Variants in CSMD1 observed in about 807,000 individuals in gnomAD.
CSMD1 encodes the protein CUB and sushi domain-containing protein 1.
In CSMD1, 213 loss-of-function variants were observed where a neutral mutation model predicts 417.5. The ratio of observed to expected loss-of-function variants is 0.51; its 90% CI spans 0.46 to 0.57. The LOEUF (loss-of-function observed/expected upper bound fraction) is 0.57, where lower values mean the gene tolerates loss of function less well. CSMD1 is among the 20% of genes least tolerant of loss of function. CSMD1 has a pLI of 0.00. For synonymous variants in CSMD1, 2,862 were observed against 1,736.8 expected (o/e 1.65, Z -16.11); for missense variants, 6,923 against 4,529.7 (o/e 1.53, Z -15.17).
chr8:3,472,742 T>A (rs1402656415), intron 11 of CSMD1, among the ~76,000 whole-genome samples: 1 of 152,142 alleles, frequency 6.6e-6, no homozygotes, highest in Non-Finnish European at 1.5e-5. Context: ...ATTTCTTCTG[T>A]TCTCAGCAGA....
chr8:4,820,394 C>T (rs1364568317), intron 1 of CSMD1, among the ~76,000 whole-genome samples: 1 of 152,110 alleles, frequency 6.6e-6, no homozygotes, highest in Non-Finnish European at 1.5e-5. Flanking sequence ...TTTAATAGAG[C>T]TTGCTTGGCA....
At chr8:3,926,034 C>A (rs866650920) in intron 5 of CSMD1, among the ~76,000 whole-genome samples, 1 of 129,160 alleles carries the variant, frequency 7.7e-6, no homozygotes, top group African/African-American at 3.6e-5. Context: ...CACACACACA[C>A]ACACACACAA....
At chr8:4,713,585 G>C (rs1310133703) in intron 1 of CSMD1, among the ~76,000 whole-genome samples, 1 of 152,014 alleles carries the variant, frequency 6.6e-6, no homozygotes, top group Non-Finnish European at 1.5e-5. Flanking sequence ...ATTTTTAGTA[G>C]AGACGGGGTT....
At chr8:3,535,357 G>A (rs959087566) in intron 10 of CSMD1, among the ~76,000 whole-genome samples, 1 of 152,152 alleles carries the variant, frequency 6.6e-6, no homozygotes, top group Non-Finnish European at 1.5e-5. Context: ...GGAAGAACCT[G>A]AGTCCAGAGG....
At chr8:3,793,809 G>C (rs549480277) in intron 5 of CSMD1, among the ~76,000 whole-genome samples, 2 of 152,046 alleles carry the variant, frequency 1.3e-5, no homozygotes, top group African/African-American at 4.8e-5. Flanking sequence ...TTATGCCCCA[G>C]GGCACTAAAT....
At chr8:4,853,584 C>G (rs138893247) in intron 1 of CSMD1, among the ~76,000 whole-genome samples, 2 of 152,206 alleles carry the variant, frequency 1.3e-5, no homozygotes, top group African/African-American at 4.8e-5. Flanking sequence ...GAGTCCCACA[C>G]AGATATTTGA....
intron 3 of CSMD1, among the ~76,000 whole-genome samples, chr8:4,245,549 A>G (rs1802654134): frequency 6.6e-6 from 1 of 152,220 alleles, no homozygotes; most frequent in South Asian, 2.1e-4. Context: ...GATGCTAAAC[A>G]TGAGGTGTGT....
At chr8:4,161,361 T>C (rs901361125) in intron 3 of CSMD1, among the ~76,000 whole-genome samples, 10 of 152,208 alleles carry the variant, frequency 6.6e-5, no homozygotes, top group Admixed American at 6.5e-4. Flanking sequence ...ACTGTAAAAA[T>C]GCAGGCTTTC....
At chr8:4,716,149 C>G (rs966830679) in intron 1 of CSMD1, among the ~76,000 whole-genome samples, 4 of 152,162 alleles carry the variant, frequency 2.6e-5, no homozygotes, top group African/African-American at 9.7e-5. Context: ...GTGAGCCAGG[C>G]TGACTTCACA....
intron 3 of CSMD1, among the ~76,000 whole-genome samples, chr8:4,330,902 T>G (rs940924421): frequency 6.6e-6 from 1 of 152,136 alleles, no homozygotes; most frequent in African/African-American, 2.4e-5. Context: ...CTTCATTATG[T>G]ATGCCCAGCA....
intron 3 of CSMD1, among the ~76,000 whole-genome samples, chr8:4,117,556 C>G (rs983189570): frequency 1.4e-4 from 21 of 152,176 alleles, no homozygotes; most frequent in African/African-American, 2.4e-5. Context: ...ATTGTGACAG[C>G]TAATAGCAGC....
intron 10 of CSMD1, among the ~76,000 whole-genome samples, chr8:3,524,127 A>G (rs1183305433): frequency 6.9e-6 from 1 of 144,566 alleles, no homozygotes; most frequent in East Asian, 2.2e-4. Context: ...ATGTGCACAT[A>G]CATACACACA....
At chr8:3,973,557 C>G (rs777536370) in intron 5 of CSMD1, among the ~76,000 whole-genome samples, 1 of 152,110 alleles carries the variant, frequency 6.6e-6, no homozygotes, top group East Asian at 1.9e-4. Flanking sequence ...AAAATTCTTT[C>G]TTGTCATTCT....
chr8:3,491,291 G>C (rs528691902), intron 11 of CSMD1, among the ~76,000 whole-genome samples: 1 of 152,140 alleles, frequency 6.6e-6, no homozygotes, highest in Non-Finnish European at 1.5e-5. Context: ...TTTGTGAACT[G>C]GGGTAAATCC....
intron 26 of CSMD1, among the ~76,000 whole-genome samples, chr8:3,273,413 C>G (rs1438351069): frequency 2.0e-5 from 3 of 152,076 alleles, no homozygotes; most frequent in East Asian, 1.9e-4. Context: ...TGTGTCTCTG[C>G]CAGGCTTTGG....
At chr8:3,861,864 C>A (rs1171841186) in intron 5 of CSMD1, among the ~76,000 whole-genome samples, 1 of 152,132 alleles carries the variant, frequency 6.6e-6, no homozygotes, top group Admixed American at 6.5e-5. Flanking sequence ...CTAATGGAGC[C>A]TAAGAAAACC....
At chr8:4,075,654 CT>C (rs1464762607) in intron 3 of CSMD1, among the ~76,000 whole-genome samples, 1 of 152,062 alleles carries the variant, frequency 6.6e-6, no homozygotes, top group Non-Finnish European at 1.5e-5. Flanking sequence ...GGGAAATTGT[CT>C]TGATTTGTGA....
chr8:4,157,207 T>G (rs1160833377), intron 3 of CSMD1, among the ~76,000 whole-genome samples: 1 of 152,168 alleles, frequency 6.6e-6, no homozygotes, highest in African/African-American at 2.4e-5. Context: ...AATTTACATT[T>G]CAGTGTCCAC....
intron 2 of CSMD1, among the ~76,000 whole-genome samples, chr8:4,620,194 A>C (rs1801692143): frequency 6.6e-6 from 1 of 151,768 alleles, no homozygotes; most frequent in African/African-American, 2.4e-5. Flanking sequence ...CAGAAAGTAG[A>C]AATTTAAGGT....
Sources: allele counts gnomAD v4.1 joint callset (sites outside exome capture counted in the v4.1 genomes callset), GRCh38; gene constraint gnomAD v4.1.1; transcripts MANE v1.5; gene names NCBI Gene and HGNC (gene_info 2026-07-23, HGNC 2026-07-21).